SCHIP1: variants seen among roughly 807,000 people sequenced by gnomAD.
SCHIP1 encodes schwannomin interacting protein 1.
In SCHIP1, 8 loss-of-function variants were observed where a neutral mutation model predicts 29.7. That is an observed-to-expected ratio of 0.27 (90% CI 0.16 to 0.49). The LOEUF (loss-of-function observed/expected upper bound fraction) is 0.49. Among genes scored for constraint, SCHIP1 ranks in the 20% least tolerant of loss-of-function variants. SCHIP1 has a pLI of 0.99. For missense variants in SCHIP1, 193 were observed against 294.6 expected, an observed-to-expected ratio of 0.66 and a Z score of 2.52; for synonymous variants, 76 against 94.9, an observed-to-expected ratio of 0.80 and a Z score of 1.16.
At chr3:159,392,793 A>G in the SCHIP1 span, among the ~76,000 whole-genome samples, 1 of 152,156 alleles carries the variant, frequency 6.6e-6, no homozygotes, top group African/African-American at 2.4e-5. Flanking sequence ...GTGTCTTTAT[A>G]GCAGCATGAT....
chr3:159,734,345 G>GT, the SCHIP1 span, among the ~76,000 whole-genome samples: 4,132 of 151,798 alleles, frequency 0.027, 100 homozygotes, highest in African/African-American at 0.063. Context: ...GTTTTACCAT[G>GT]TGGTCAGGCT....
intron 1 of SCHIP1, among the ~76,000 whole-genome samples, chr3:159,842,550 A>C (rs1649056090): frequency 6.6e-6 from 1 of 152,194 alleles, no homozygotes; most frequent in Admixed American, 6.5e-5. Context: ...CATCCTGCTC[A>C]GAGTAAAAAT....
At chr3:159,344,507 T>A in the SCHIP1 span, among the ~76,000 whole-genome samples, 1 of 152,142 alleles carries the variant, frequency 6.6e-6, no homozygotes, top group South Asian at 2.1e-4. Flanking sequence ...AAGTGGCACT[T>A]CATGTCTGTT....
chr3:159,643,937 A>T, the SCHIP1 span, among the ~76,000 whole-genome samples: 1 of 152,140 alleles, frequency 6.6e-6, no homozygotes, highest in South Asian at 2.1e-4. Context: ...AGCACCACTC[A>T]TCGTCAACCC....
chr3:159,521,396 G>A, the SCHIP1 span, among the ~76,000 whole-genome samples: 4 of 152,146 alleles, frequency 2.6e-5, no homozygotes, highest in African/African-American at 9.7e-5. Context: ...AATGTCTTTG[G>A]CTCACATTTT....
the SCHIP1 span, among the ~76,000 whole-genome samples, chr3:159,684,486 C>A: frequency 1.3e-5 from 2 of 152,076 alleles, no homozygotes; most frequent in South Asian, 4.1e-4. Context: ...AGTCATACCT[C>A]TATAAATTAA....
the SCHIP1 span, among the ~76,000 whole-genome samples, chr3:159,488,733 A>G: frequency 1.3e-5 from 2 of 152,232 alleles, no homozygotes; most frequent in Non-Finnish European, 2.9e-5. Flanking sequence ...GGCGCCATCA[A>G]AGTGGAGATC....
chr3:159,558,931 T>C, the SCHIP1 span, among the ~76,000 whole-genome samples: 1 of 152,072 alleles, frequency 6.6e-6, no homozygotes, highest in Non-Finnish European at 1.5e-5. Context: ...ATAAATATAG[T>C]AATGAGCCCA....
chr3:159,722,149 T>C, the SCHIP1 span: 3 of 268,178 alleles, frequency 1.1e-5, no homozygotes, highest in African/African-American at 6.8e-5. Flanking sequence ...TAGGAAACTA[T>C]GGTGGATACC....
chr3:159,404,530 C>T, the SCHIP1 span, among the ~76,000 whole-genome samples: 1 of 152,050 alleles, frequency 6.6e-6, no homozygotes, highest in Non-Finnish European at 1.5e-5. Flanking sequence ...TGGTGGTGGC[C>T]ATGAGGAGTG....
the SCHIP1 span, among the ~76,000 whole-genome samples, chr3:159,424,028 A>C: frequency 9.1e-6 from 1 of 110,138 alleles, no homozygotes; most frequent in African/African-American, 2.9e-5. Context: ...ACTAACAAAC[A>C]GAAAGGACAT....
chr3:159,592,325 T>G, the SCHIP1 span, among the ~76,000 whole-genome samples: 1 of 152,170 alleles, frequency 6.6e-6, no homozygotes, highest in Non-Finnish European at 1.5e-5. Flanking sequence ...GAACGTACAT[T>G]TGCCACAATT....
chr3:159,745,706 T>A, the SCHIP1 span, among the ~76,000 whole-genome samples: 728 of 152,354 alleles, frequency 4.8e-3, 11 homozygotes, highest in Admixed American at 0.023. Context: ...ACCTTATTAG[T>A]TTAATTCATG....
the SCHIP1 span, among the ~76,000 whole-genome samples, chr3:159,710,135 C>G: frequency 6.6e-6 from 1 of 152,204 alleles, no homozygotes; most frequent in South Asian, 2.1e-4. Flanking sequence ...GATGTTCGCA[C>G]TTCCATATTC....
the SCHIP1 span, among the ~76,000 whole-genome samples, chr3:159,522,989 G>A: frequency 1.3e-5 from 2 of 152,012 alleles, no homozygotes; most frequent in Admixed American, 6.5e-5. Context: ...AAAATAGGCC[G>A]AGTAATAAAG....
At chr3:159,361,544 T>C in the SCHIP1 span, among the ~76,000 whole-genome samples, 1 of 152,120 alleles carries the variant, frequency 6.6e-6, no homozygotes, top group African/African-American at 2.4e-5. Flanking sequence ...CTGAGGGAAA[T>C]TGGAACCACT....
At chr3:159,603,913 C>G in the SCHIP1 span, among the ~76,000 whole-genome samples, 1 of 152,106 alleles carries the variant, frequency 6.6e-6, no homozygotes, top group Non-Finnish European at 1.5e-5. Flanking sequence ...ACAAGGATGG[C>G]TAAACTGTCT....
the SCHIP1 span, among the ~76,000 whole-genome samples, chr3:159,585,412 C>T: frequency 6.6e-6 from 1 of 152,136 alleles, no homozygotes; most frequent in African/African-American, 2.4e-5. Context: ...GCCAATTCTC[C>T]TACCATTATT....
the SCHIP1 span, chr3:159,764,957 G>T: frequency 1.3e-6 from 2 of 1,490,348 alleles, no homozygotes; most frequent in Non-Finnish European, 1.8e-6. This position sits in a 1 kb window ranked among gnomAD's most constrained non-coding sequence, Gnocchi z 6.1. Context: ...GGCCGGCGCA[G>T]TGGCCGCGGC....
Sources: gnomAD v4.1 joint callset for allele counts (sites outside exome capture counted in the v4.1 genomes callset) on GRCh38, gnomAD v4.1.1 for gene constraint, Gnocchi (gnomAD v3.1) non-coding constraint, MANE v1.5 for transcripts, NCBI Gene and HGNC (gene_info 2026-07-23, HGNC 2026-07-21) for gene names.